Variants in SLC9A9 observed in about 807,000 individuals in gnomAD.
The protein encoded by SLC9A9 is solute carrier family 9 member A9.
SLC9A9 carries 62 observed loss-of-function variants against 77.8 expected under a neutral mutation model. The observed-to-expected ratio is 0.80, with a 90% CI of 0.65 to 0.98. SLC9A9 has a LOEUF of 0.98. SLC9A9 is among the 50% of genes least tolerant of loss of function. The pLI is 0.00. For synonymous variants in SLC9A9, 320 were observed against 283.5 expected, an observed-to-expected ratio of 1.13 and a Z score of -1.29; for missense variants, 775 against 774.9, an observed-to-expected ratio of 1.00 and a Z score of 0.00.
At chr3:143,678,400 T>C (rs1207663914) in intron 5 of SLC9A9, among the ~76,000 whole-genome samples, 1 of 152,188 alleles carries the variant, frequency 6.6e-6, no homozygotes, top group Non-Finnish European at 1.5e-5. Flanking sequence ...TATAGATTTA[T>C]AGATTTTCTT....
chr3:143,741,746 C>A lies in SLC9A9; in HGVS notation c.534-48439G>T, dbSNP rs572779611. ...ATGATGTGATGAAAATGGCACTTTA[C>A]GTCGGTGATCTTCCCCCTAACCCAT... is the stretch of plus-strand genomic sequence containing the variant. On this transcript the variant is annotated intron_variant, in intron 4 of 15. Coordinates refer to ENST00000316549, the MANE Select transcript of SLC9A9 (RefSeq NM_173653.4). Among the ~76,000 whole-genome samples the A allele has an allele frequency of 3.9e-5, 6 of 152,190 alleles. No homozygotes were observed. In the South Asian group the frequency reaches 1.2e-3, roughly 32 times the overall value.
chr3:143,707,715 C>T (rs1934022354), intron 4 of SLC9A9, among the ~76,000 whole-genome samples: 1 of 152,128 alleles, frequency 6.6e-6, no homozygotes, highest in Non-Finnish European at 1.5e-5. Context: ...TTTCACATTT[C>T]CCCTGCAAGC....
intron 6 of SLC9A9, among the ~76,000 whole-genome samples, chr3:143,580,545 T>A (rs1357132567): frequency 6.6e-6 from 1 of 152,172 alleles, no homozygotes; most frequent in African/African-American, 2.4e-5. Context: ...TTATTCAAAT[T>A]CAGGAGATTT....
At chr3:143,379,051 G>A (rs1451441105) in intron 13 of SLC9A9, among the ~76,000 whole-genome samples, 2 of 150,860 alleles carry the variant, frequency 1.3e-5, no homozygotes, top group Non-Finnish European at 3.0e-5. Context: ...TATATATATA[G>A]TTTATTCTTG....
chr3:143,838,843 G>C (rs945829108), intron 1 of SLC9A9, among the ~76,000 whole-genome samples: 1 of 152,164 alleles, frequency 6.6e-6, no homozygotes, highest in Non-Finnish European at 1.5e-5. Context: ...AACCAAATCA[G>C]TGAATAACAT....
intron 14 of SLC9A9, among the ~76,000 whole-genome samples, chr3:143,354,229 A>G (rs1398412207): frequency 1.3e-5 from 2 of 152,208 alleles, no homozygotes; most frequent in East Asian, 1.9e-4. Context: ...ATGTTACGAA[A>G]TCGCTGTTCC....
At chr3:143,626,208 C>T (rs905610877) in intron 6 of SLC9A9, among the ~76,000 whole-genome samples, 7 of 152,304 alleles carry the variant, frequency 4.6e-5, no homozygotes, top group South Asian at 4.1e-4. Context: ...GTCAGTGTGG[C>T]GATTCCTCAG....
chr3:143,810,683 A>G (rs2008842053), intron 2 of SLC9A9, among the ~76,000 whole-genome samples: 1 of 152,232 alleles, frequency 6.6e-6, no homozygotes, highest in South Asian at 2.1e-4. Flanking sequence ...GAGAAGTTGG[A>G]ACTAAGAAGT....
chr3:143,538,876 A>G (rs2036638225), intron 9 of SLC9A9, among the ~76,000 whole-genome samples: 1 of 152,220 alleles, frequency 6.6e-6, no homozygotes, highest in Admixed American at 6.5e-5. Flanking sequence ...GTGTGAATTC[A>G]TATACTTACA....
chr3:143,571,856 A>G (rs1448134419), intron 8 of SLC9A9, among the ~76,000 whole-genome samples: 2 of 152,246 alleles, frequency 1.3e-5, no homozygotes, highest in Non-Finnish European at 2.9e-5. Flanking sequence ...CAATCTGGAA[A>G]TAGGCAAGGA....
At chr3:143,782,439 C>T (rs758258165) in intron 4 of SLC9A9, among the ~76,000 whole-genome samples, 13 of 152,214 alleles carry the variant, frequency 8.5e-5, no homozygotes, top group East Asian at 1.9e-4. Flanking sequence ...GGTCCAAGGG[C>T]GCAATTTAAA....
chr3:143,273,282 C>T (rs529606054), intron 14 of SLC9A9, among the ~76,000 whole-genome samples: 1 of 152,232 alleles, frequency 6.6e-6, no homozygotes, highest in African/African-American at 2.4e-5. Flanking sequence ...TGCATCCCCC[C>T]ACCCTCTAAC....
chr3:143,266,171 A>C lies in SLC9A9; in HGVS notation c.*531T>G. 1.4e-6 allele frequency: 1 copy of C among 699,478 alleles called. No individual in the cohort carries two copies. Among genetic ancestry groups the C allele is most frequent in the Non-Finnish European group, 2.6e-6 (1 of 383,682 alleles). 43.3% of individuals were successfully genotyped at this position (699,478 alleles called of 1,614,324 possible). A position where few individuals can be genotyped will look rare whatever the true frequency, so the allele number is the denominator to read the frequency against. On this transcript the variant is annotated 3_prime_UTR_variant, in exon 16 of 16. Transcript: ENST00000316549. ...AAACCATCAGCAGTGGGTACGGAAC[A>C]CTTCTCTGGGCTCTGCCCTGGGGTC...
chr3:143,574,007 C>T, intron 8 of SLC9A9, 81 bp downstream of exon 8: 1 of 1,226,308 alleles, frequency 8.2e-7, no homozygotes, highest in Non-Finnish European at 1.2e-6. Context: ...ATTTCACCTC[C>T]TGCTAGGTCA....
At chr3:143,761,439 C>G (rs1344002538) in intron 4 of SLC9A9, among the ~76,000 whole-genome samples, 1 of 152,106 alleles carries the variant, frequency 6.6e-6, no homozygotes, top group Non-Finnish European at 1.5e-5. Flanking sequence ...TTGCAATCTA[C>G]TCATCTGACA....
At chr3:143,640,344 T>A (rs1406986609) in intron 6 of SLC9A9, among the ~76,000 whole-genome samples, 2 of 152,148 alleles carry the variant, frequency 1.3e-5, no homozygotes, top group Non-Finnish European at 1.5e-5. Context: ...GTTTATTATG[T>A]TAGCACCTTG....
At chr3:143,675,440 C>T (rs1015671030) in intron 5 of SLC9A9, among the ~76,000 whole-genome samples, 1 of 152,146 alleles carries the variant, frequency 6.6e-6, no homozygotes, top group African/African-American at 2.4e-5. Flanking sequence ...ACAGGATAAT[C>T]CACAGTAAAT....
chr3:143,273,100 T>A (rs1937942038), intron 14 of SLC9A9, among the ~76,000 whole-genome samples: 2 of 152,262 alleles, frequency 1.3e-5, no homozygotes, highest in Admixed American at 1.3e-4. Context: ...CATCATGTTT[T>A]GTCCATTGTA....
At chr3:143,478,480 C>A (rs2035519574) in intron 11 of SLC9A9, among the ~76,000 whole-genome samples, 1 of 152,136 alleles carries the variant, frequency 6.6e-6, no homozygotes, top group East Asian at 1.9e-4. Context: ...GGAGGTGGGG[C>A]TAGGATCCTG....
Sources: gnomAD v4.1 joint callset for allele counts (sites outside exome capture counted in the v4.1 genomes callset) on GRCh38, gnomAD v4.1.1 for gene constraint, MANE v1.5 for transcripts, NCBI Gene and HGNC (gene_info 2026-07-23, HGNC 2026-07-21) for gene names.